The following LRCH1 variants were observed in gnomAD, a reference collection of about 807,000 sequenced individuals.
LRCH1 encodes the protein leucine-rich repeat and calponin homology domain-containing protein 1.
In LRCH1, 23 loss-of-function variants were observed where a neutral mutation model predicts 94.9. That is an observed-to-expected ratio of 0.24 (90% confidence interval 0.17 to 0.34). The LOEUF (loss-of-function observed/expected upper bound fraction) is 0.34, where lower values mean the gene tolerates loss of function less well. Among genes scored for constraint, LRCH1 ranks in the 10% least tolerant of loss-of-function variants. The pLI is 1.00. For synonymous variants in LRCH1, 364 were observed against 354.9 expected (o/e 1.03, Z -0.29); for missense variants, 790 against 945.9 (o/e 0.84, Z 2.16).
intron 1 of LRCH1, among the ~76,000 whole-genome samples, chr13:46,628,220 G>T (rs554477788): frequency 6.6e-6 from 1 of 152,260 alleles, no homozygotes; most frequent in South Asian, 2.1e-4. Context: ...AATATGCGGG[G>T]CTGCTTGATG....
intron 8 of LRCH1, among the ~76,000 whole-genome samples, chr13:46,692,903 T>C (rs1870975646): frequency 6.6e-6 from 1 of 152,096 alleles, no homozygotes; most frequent in Admixed American, 6.6e-5. Flanking sequence ...CTGATGTGTG[T>C]GTAGTACTAC....
intron 2 of LRCH1, among the ~76,000 whole-genome samples, chr13:46,650,969 C>T (rs1211415772): frequency 6.6e-6 from 1 of 152,188 alleles, no homozygotes; most frequent in Non-Finnish European, 1.5e-5. Context: ...AACATAATAT[C>T]ATATATTAAT....
intron 1 of LRCH1, among the ~76,000 whole-genome samples, chr13:46,618,504 T>C (rs962740217): frequency 1.6e-4 from 24 of 152,216 alleles, no homozygotes; most frequent in Admixed American, 6.5e-4. Flanking sequence ...TGTGCTGTCT[T>C]GCACTGAATT....
chr13:46,577,272 T>C (rs1004270466), intron 1 of LRCH1, among the ~76,000 whole-genome samples: 18 of 151,906 alleles, frequency 1.2e-4, no homozygotes, highest in African/African-American at 4.4e-4. Flanking sequence ...AATTTTTGTA[T>C]CTTTTAGTAG....
chr13:46,585,347 G>C (rs1301746064), intron 1 of LRCH1, among the ~76,000 whole-genome samples: 1 of 152,096 alleles, frequency 6.6e-6, no homozygotes, highest in Non-Finnish European at 1.5e-5. Flanking sequence ...GGAGGCCGAG[G>C]CAGGCGGATC....
chr13:46,731,525 C>G (rs1398295358), intron 18 of LRCH1, among the ~76,000 whole-genome samples: 7 of 152,198 alleles, frequency 4.6e-5, no homozygotes, highest in Non-Finnish European at 4.4e-5. Context: ...GCCACCTCGC[C>G]CAGCCTAAAA....
chr13:46,748,911 A>C (rs913752819), downstream of LRCH1, among the ~76,000 whole-genome samples: 3 of 152,216 alleles, frequency 2.0e-5, no homozygotes, highest in Non-Finnish European at 4.4e-5. Context: ...AGATACGGTA[A>C]GATGGTGAGA....
chr13:46,626,487 C>T (rs531234703), intron 1 of LRCH1, among the ~76,000 whole-genome samples: 134 of 152,308 alleles, frequency 8.8e-4, no homozygotes, highest in African/African-American at 3.1e-3. Flanking sequence ...CTTTGTAATT[C>T]TCCTTACCCT....
At chr13:46,559,724 G>A (rs911070837) in intron 1 of LRCH1, among the ~76,000 whole-genome samples, 5 of 152,226 alleles carry the variant, frequency 3.3e-5, no homozygotes, top group African/African-American at 1.2e-4. Context: ...TAAAGGAACA[G>A]CCCAAGGTTT....
intron 1 of LRCH1, among the ~76,000 whole-genome samples, chr13:46,625,631 GGTT>G (rs1192501647): frequency 3.2e-5 from 4 of 126,264 alleles, no homozygotes; most frequent in Non-Finnish European, 1.6e-5. Flanking sequence ...AAATGTGTGG[GGTT>G]TTTTTTTTTT....
chr13:46,582,370 C>CTTTTTTTTTTTTT (rs10686269), intron 1 of LRCH1, among the ~76,000 whole-genome samples: 1 of 79,590 alleles, frequency 1.3e-5, no homozygotes, highest in Non-Finnish European at 2.2e-5. Flanking sequence ...TTGCTCTCAT[C>CTTTTTTTTTTTTT]TTTTTTTTTT....
intron 1 of LRCH1, among the ~76,000 whole-genome samples, chr13:46,601,280 A>G (rs2050625631): frequency 6.6e-6 from 1 of 152,218 alleles, no homozygotes; most frequent in Non-Finnish European, 1.5e-5. Flanking sequence ...TCCTCCCTAC[A>G]GAAAACAGCA....
chr13:46,668,923 A>G (rs1055221785), intron 2 of LRCH1, 107 bp from the exon 3 acceptor site: 34 of 1,161,714 alleles, frequency 2.9e-5, no homozygotes, highest in Non-Finnish European at 3.9e-5. Flanking sequence ...TATTTGTAAA[A>G]TGTCTTCTCA....
At chr13:46,621,139 A>G (rs925631815) in intron 1 of LRCH1, among the ~76,000 whole-genome samples, 6 of 152,210 alleles carry the variant, frequency 3.9e-5, no homozygotes, top group African/African-American at 1.4e-4. Flanking sequence ...CTTACTCTCT[A>G]ACATGCGTTC....
chr13:46,743,694 C>T lies in LRCH1; in HGVS notation c.*1846C>T, dbSNP rs954955288. The T allele has an allele frequency of 2.0e-6, 2 of 984,590 alleles. No homozygotes were observed. The highest frequency in any genetic ancestry group is 6.2e-5 in the Admixed American group (1 of 16,148). 61.0% of individuals were successfully genotyped at this position (984,590 alleles called of 1,614,324 possible). A position where few individuals can be genotyped will look rare whatever the true frequency, so the allele number is the denominator to read the frequency against. On this transcript the variant is annotated 3_prime_UTR_variant, in exon 20 of 20. Coordinates refer to ENST00000389797, the MANE Select transcript of LRCH1 (RefSeq NM_001164211.2). ...ATTGAGGCTTCTCTTTAATGGTCAC[C>T]ACTGTGGTGGTTTTTCCCTTCTTTC...
rs571818095 is a variant in LRCH1 at position 46,578,494 on chromosome 13, TTGTC to T, written c.307+24798_307+24801del. On this transcript the variant is annotated intron_variant, in intron 1 of 19. Transcript: ENST00000389797. ...CTGGTAATGTACAGACAGTAAGTCT[TTGTC>T]TGTCTGATTAACAATTGCATGCATT... is the stretch of plus-strand genomic sequence containing the variant. Among the ~76,000 whole-genome samples the T allele has an allele frequency of 4.2e-3, 637 of 152,310 alleles. 1 individual carries two copies. The highest frequency in any genetic ancestry group is 0.015 in the African/African-American group (608 of 41,556).
At chr13:46,713,729 C>T (rs9534473) in intron 15 of LRCH1, among the ~76,000 whole-genome samples, 49,461 of 152,088 alleles carry the variant, frequency 0.33, 8,268 homozygotes, top group South Asian at 0.38. Flanking sequence ...TGATCAGTTC[C>T]GGGCTGAGGC....
chr13:46,705,238 A>G (rs1871692885), intron 12 of LRCH1, 30 bp from the exon 13 acceptor site: 4 of 1,479,110 alleles, frequency 2.7e-6, no homozygotes, highest in Non-Finnish European at 3.6e-6. Context: ...TTCACTTTGT[A>G]TCTTTTTTTT....
At chr13:46,750,303 A>G (rs1465693998) in intron 18 of LRCH1, among the ~76,000 whole-genome samples, 2 of 152,186 alleles carry the variant, frequency 1.3e-5, no homozygotes, top group African/African-American at 2.4e-5. Context: ...TGCAGACTTC[A>G]TGGTGATTAG....
Sources: gnomAD v4.1 joint callset for allele counts (sites outside exome capture counted in the v4.1 genomes callset) on GRCh38, gnomAD v4.1.1 for gene constraint, MANE v1.5 for transcripts, NCBI Gene and HGNC (gene_info 2026-07-23, HGNC 2026-07-21) for gene names.